The following PRKG2 variants were observed in gnomAD, a reference collection of about 807,000 sequenced individuals.
PRKG2 encodes protein kinase cGMP-dependent 2, also known as cGMP-dependent protein kinase 2.
PRKG2 carries 33 observed loss-of-function variants against 97.2 expected under a neutral mutation model. That is an observed-to-expected ratio of 0.34 (90% CI 0.26 to 0.45). The LOEUF is 0.45. Among genes scored for constraint, PRKG2 ranks in the 20% least tolerant of loss-of-function variants. The probability of loss-of-function intolerance (pLI) is 1.00; values close to 1 mark genes in which losing one functional copy is unlikely to be tolerated. For synonymous variants in PRKG2, 330 were observed against 321.8 expected (o/e 1.03, Z -0.27); for missense variants, 638 against 900.0 (o/e 0.71, Z 3.73).
chr4:81,133,710 T>G (rs1746384264), intron 14 of PRKG2, among the ~76,000 whole-genome samples: 1 of 152,206 alleles, frequency 6.6e-6, no homozygotes, highest in African/African-American at 2.4e-5. Context: ...TAGTTCTTAC[T>G]CTTTGTTTAG....
chr4:81,123,390 T>C (rs186464738), intron 14 of PRKG2, among the ~76,000 whole-genome samples: 1 of 152,252 alleles, frequency 6.6e-6, no homozygotes, highest in East Asian at 1.9e-4. Context: ...AAACATCACA[T>C]AGGTGATTTT....
chr4:81,131,453 T>A (rs180783464), intron 14 of PRKG2, among the ~76,000 whole-genome samples: 9 of 152,342 alleles, frequency 5.9e-5, no homozygotes, highest in Non-Finnish European at 1.3e-4. Context: ...TTTTTTAAGA[T>A]GCTGACCATT....
chr4:81,203,726 G>GCA (rs147529509), intron 2 of PRKG2, among the ~76,000 whole-genome samples: 42 of 150,436 alleles, frequency 2.8e-4, no homozygotes, highest in East Asian at 1.2e-3. Flanking sequence ...ACATGTGTGC[G>GCA]CACACACACA....
upstream of PRKG2, among the ~76,000 whole-genome samples, chr4:81,217,738 G>T (rs1578540960): frequency 6.6e-6 from 1 of 152,180 alleles, no homozygotes; most frequent in African/African-American, 2.4e-5. Flanking sequence ...AAAATATGGG[G>T]TTATAATTTA....
rs555375491 is a variant in PRKG2 at position 81,153,633 on chromosome 4, T to A, written c.990+11A>T. 271 of 1,556,668 alleles carry A rather than the reference T, an allele frequency of 1.7e-4. 1 individual carries two copies. In the South Asian group the frequency reaches 2.9e-3, roughly 17 times the overall value. The stretch of plus-strand genomic sequence containing the variant: ...ATCTTTTTTATTTAGTAAGTTTTAA[T>A]TAATAGTTACCTTTCCTTTTGCCAA... On this transcript the variant is annotated intron_variant, in intron 7 of 18. Transcript: ENST00000264399.
chr4:81,183,297 C>T (rs912350179), intron 2 of PRKG2, among the ~76,000 whole-genome samples: 2 of 152,076 alleles, frequency 1.3e-5, no homozygotes, highest in Non-Finnish European at 2.9e-5. Context: ...GTACCCAGCT[C>T]ATCTCACTGG....
At chr4:81,117,439 TGA>T (rs982685211) in intron 14 of PRKG2, among the ~76,000 whole-genome samples, 25 of 152,318 alleles carry the variant, frequency 1.6e-4, no homozygotes, top group African/African-American at 6.0e-4. Context: ...CACTGACTTT[TGA>T]GAGTTAGTGG....
chr4:81,148,279 T>C (rs976126042), intron 9 of PRKG2, among the ~76,000 whole-genome samples: 44 of 152,134 alleles, frequency 2.9e-4, no homozygotes, highest in Non-Finnish European at 1.0e-4. Context: ...GTCAAGTAGA[T>C]AACCAGAAAT....
At chr4:81,090,309 G>A (rs943086528) in intron 18 of PRKG2, among the ~76,000 whole-genome samples, 3 of 151,742 alleles carry the variant, frequency 2.0e-5, no homozygotes, top group Non-Finnish European at 4.4e-5. Context: ...AGTGAGCTGA[G>A]ATCACACCAC....
intron 6 of PRKG2, among the ~76,000 whole-genome samples, chr4:81,158,089 G>T (rs1026718559): frequency 2.7e-5 from 4 of 147,504 alleles, no homozygotes; most frequent in African/African-American, 1.1e-4. Flanking sequence ...GGGCAATTAG[G>T]CAGGAGAAGG....
chr4:81,102,061 T>C (rs914952033), intron 17 of PRKG2, among the ~76,000 whole-genome samples: 1 of 152,198 alleles, frequency 6.6e-6, no homozygotes, highest in African/African-American at 2.4e-5. Context: ...GAAGACACCG[T>C]AAATTTGGTA....
At position 81,092,414 on chromosome 4, in the gene PRKG2, C is replaced by T. The variant is rs780810215; in HGVS notation, c.2165G>A (p.Arg722Gln). 15 of 1,595,408 alleles carry T rather than the reference C, an allele frequency of 9.4e-6. No homozygotes were observed. Among genetic ancestry groups the T allele is most frequent in the South Asian group, 5.5e-5 (5 of 90,300 alleles). The stretch of plus-strand genomic sequence containing the variant: ...TCTTTGCAAAGGTGATGGAAGGCTC[C>T]GTGCTTTCAGTCCCTCCCAATTAAA... ...NGFNWEGLKA[R>Q]SLPSPLQREL... The change falls in exon 18 of 19, where the codon CGG becomes CAG. Residue 722 changes from arginine (R) to glutamine (Q), a missense_variant. Arg to Gln is a conservative substitution (Grantham distance 43). Around this residue, in one of 3 missense-constraint regions of PRKG2, gnomAD observed 304 missense variants for 460.5 expected, o/e 0.66. Transcript: ENST00000264399.
At chr4:81,120,300 C>T (rs1205925272) in intron 14 of PRKG2, among the ~76,000 whole-genome samples, 3 of 152,204 alleles carry the variant, frequency 2.0e-5, no homozygotes, top group African/African-American at 7.2e-5. Flanking sequence ...CCATGAGGCA[C>T]CCCGGGAGTC....
chr4:81,151,886 A>T, intron 8 of PRKG2, 74 bp downstream of exon 8: 1 of 1,177,182 alleles, frequency 8.5e-7, no homozygotes, highest in Non-Finnish European at 1.2e-6. Context: ...TCAATTTAAC[A>T]ACTCTAAATG....
At chr4:81,114,186 T>A (rs1486236111) in intron 14 of PRKG2, among the ~76,000 whole-genome samples, 1 of 152,126 alleles carries the variant, frequency 6.6e-6, no homozygotes. Context: ...TAACACTTTT[T>A]ATATTCCAGA....
intron 2 of PRKG2, among the ~76,000 whole-genome samples, chr4:81,182,032 T>C (rs1004793242): frequency 6.6e-6 from 1 of 151,840 alleles, no homozygotes; most frequent in Non-Finnish European, 1.5e-5. Context: ...TTAAGCCTTA[T>C]AGATATTTAA....
intron 5 of PRKG2, 125 bp from the exon 6 acceptor site, chr4:81,167,349 A>G: frequency 1.8e-6 from 1 of 558,084 alleles, no homozygotes; most frequent in Non-Finnish European, 3.0e-6. Flanking sequence ...CTTCCAAAGT[A>G]AATGTCCAAA....
intron 9 of PRKG2, 82 bp from the exon 10 acceptor site, chr4:81,144,412 A>T (rs7687935): frequency 0.24 from 262,249 of 1,070,428 alleles, 48,832 homozygotes; most frequent in African/African-American, 0.81. Flanking sequence ...CATAAAACAC[A>T]AGCTGGTTAT....
intron 17 of PRKG2, among the ~76,000 whole-genome samples, chr4:81,102,888 C>T (rs1041348497): frequency 6.6e-6 from 1 of 152,130 alleles, no homozygotes; most frequent in African/African-American, 2.4e-5. Context: ...TGATGTGCCC[C>T]TATTTCTTCA....
Sources: gnomAD v4.1 joint callset for allele counts (sites outside exome capture counted in the v4.1 genomes callset) on GRCh38, gnomAD v4.1.1 for gene constraint, gnomAD v4.1.1 regional missense constraint, MANE v1.5 for transcripts, NCBI Gene and HGNC (gene_info 2026-07-23, HGNC 2026-07-21) for gene names.